Variants in NEK11 observed in about 807,000 individuals in gnomAD.
NEK11 encodes serine/threonine-protein kinase Nek11.
Under a neutral mutation model 80.7 loss-of-function variants are expected in NEK11, and 72 were observed. The observed-to-expected ratio is 0.89, with a 90% CI of 0.74 to 1.08. NEK11 has a LOEUF of 1.08. Among genes scored for constraint, NEK11 ranks in the 50% least tolerant of loss-of-function variants. NEK11 has a pLI of 0.00. For missense variants in NEK11, 764 were observed against 763.6 expected (o/e 1.00, Z -0.01); for synonymous variants, 251 against 260.7 (o/e 0.96, Z 0.36).
chr3:131,254,308 C>T (rs971241632), intron 16 of NEK11, among the ~76,000 whole-genome samples: 1 of 152,128 alleles, frequency 6.6e-6, no homozygotes, highest in African/African-American at 2.4e-5. Context: ...GTGAGACTAG[C>T]ATGAGAAATT....
intron 17 of NEK11, among the ~76,000 whole-genome samples, chr3:131,288,454 T>TTTCTTTCTTTC (rs1561387449): frequency 7.3e-3 from 84 of 11,564 alleles, no homozygotes; most frequent in South Asian, 0.062. Flanking sequence ...TTCTTTCTTT[T>TTTCTTTCTTTC]TTTTTTTTTT....
At chr3:131,081,904 G>A (rs901944392) in intron 4 of NEK11, among the ~76,000 whole-genome samples, 1 of 152,236 alleles carries the variant, frequency 6.6e-6, no homozygotes, top group African/African-American at 2.4e-5. Context: ...AACCTTGCCT[G>A]CTTTACACAT....
chr3:131,094,510 C>T (rs1363208753), intron 4 of NEK11, among the ~76,000 whole-genome samples: 1 of 152,164 alleles, frequency 6.6e-6, no homozygotes, highest in East Asian at 1.9e-4. Context: ...ATTCAGTTAG[C>T]TTTGCCTAAT....
intron 17 of NEK11, among the ~76,000 whole-genome samples, chr3:131,340,579 G>A (rs1299502612): frequency 6.6e-6 from 1 of 152,190 alleles, no homozygotes; most frequent in African/African-American, 2.4e-5. Context: ...GGGGAGAGAA[G>A]AAGAGCTTTC....
intron 15 of NEK11, 69 bp from the exon 16 acceptor site, chr3:131,243,351 TAAATGTAGTAAGAACA>T: frequency 7.7e-7 from 1 of 1,304,948 alleles, no homozygotes; most frequent in Non-Finnish European, 1.1e-6. Context: ...TTTTTTCGCC[TAAATGTAGTAAGAACA>T]TTTTTCCATG....
intron 16 of NEK11, among the ~76,000 whole-genome samples, chr3:131,260,548 A>G (rs535193501): frequency 3.9e-5 from 6 of 152,250 alleles, no homozygotes; most frequent in African/African-American, 1.2e-4. Context: ...CCTATTGCCT[A>G]TAGCTATTTT....
chr3:131,032,754 G>T (rs1242790956), intron 3 of NEK11, among the ~76,000 whole-genome samples: 2 of 152,154 alleles, frequency 1.3e-5, no homozygotes, highest in East Asian at 3.8e-4. Flanking sequence ...ATTGTAATAA[G>T]AATACGATAT....
intron 17 of NEK11, among the ~76,000 whole-genome samples, chr3:131,316,100 G>T (rs1166394250): frequency 6.6e-6 from 1 of 151,990 alleles, no homozygotes; most frequent in Admixed American, 6.6e-5. Flanking sequence ...TAGTTCTGTG[G>T]TTACTATAAA....
intron 3 of NEK11, among the ~76,000 whole-genome samples, chr3:131,048,569 C>T (rs974398099): frequency 6.6e-6 from 1 of 152,164 alleles, no homozygotes; most frequent in South Asian, 2.1e-4. Context: ...TTCAGGTTCC[C>T]CAGTGAGGGT....
chr3:131,059,679 G>A (rs2070441573), intron 3 of NEK11, among the ~76,000 whole-genome samples: 1 of 152,146 alleles, frequency 6.6e-6, no homozygotes, highest in African/African-American at 2.4e-5. Flanking sequence ...CATTTGCATT[G>A]ACAGATGATG....
chr3:131,130,374 A>G (rs76404750), intron 5 of NEK11, among the ~76,000 whole-genome samples: 32,159 of 151,854 alleles, frequency 0.21, 3,705 homozygotes, highest in African/African-American at 0.32. Flanking sequence ...TGATCATGTC[A>G]TCTGTAAACA....
At chr3:131,126,375 C>A (rs930868060) in intron 5 of NEK11, among the ~76,000 whole-genome samples, 1 of 152,054 alleles carries the variant, frequency 6.6e-6, no homozygotes, top group Non-Finnish European at 1.5e-5. Context: ...CACTCAGTTT[C>A]TTTGTTTGTT....
chr3:131,348,553 A>C (rs1376534193), intron 17 of NEK11, among the ~76,000 whole-genome samples: 1 of 151,906 alleles, frequency 6.6e-6, no homozygotes, highest in Non-Finnish European at 1.5e-5. Context: ...TAAAAATAAT[A>C]AAGGAAGATA....
intron 16 of NEK11, among the ~76,000 whole-genome samples, chr3:131,252,111 C>A (rs1037691635): frequency 6.6e-6 from 1 of 152,086 alleles, no homozygotes; most frequent in Non-Finnish European, 1.5e-5. Context: ...ATAGTTAGAG[C>A]TTATTAATCA....
intron 16 of NEK11, among the ~76,000 whole-genome samples, chr3:131,260,554 AT>A (rs1366196691): frequency 6.6e-6 from 1 of 152,116 alleles, no homozygotes; most frequent in Non-Finnish European, 1.5e-5. Flanking sequence ...GCCTATAGCT[AT>A]TTTCATGCTA....
chr3:131,076,242 C>A (rs936870175), intron 3 of NEK11, among the ~76,000 whole-genome samples: 1 of 152,152 alleles, frequency 6.6e-6, no homozygotes, highest in African/African-American at 2.4e-5. Flanking sequence ...GTGTCTGCTA[C>A]AATAATGTCT....
chr3:131,334,139 C>A (rs956116591), intron 17 of NEK11, among the ~76,000 whole-genome samples: 6 of 152,232 alleles, frequency 3.9e-5, no homozygotes, highest in African/African-American at 1.4e-4. Context: ...CTACAGAACT[C>A]TCCATCCCAA....
chr3:131,247,852 T>C (rs1580835498), intron 16 of NEK11, among the ~76,000 whole-genome samples: 1 of 142,700 alleles, frequency 7.0e-6, no homozygotes, highest in South Asian at 2.2e-4. Context: ...TTTTTTTTTT[T>C]GTAGCTATTG....
At chr3:131,184,836 C>T in intron 14 of NEK11, 1 of 455,146 alleles carries the variant, frequency 2.2e-6, no homozygotes, top group Non-Finnish European at 3.5e-6. Flanking sequence ...ATGGATACCC[C>T]TACATTTAAA....
Sources: gnomAD v4.1 joint callset for allele counts (sites outside exome capture counted in the v4.1 genomes callset) on GRCh38, gnomAD v4.1.1 for gene constraint, MANE v1.5 for transcripts, NCBI Gene and HGNC (gene_info 2026-07-23, HGNC 2026-07-21) for gene names.